IL16: variants seen among roughly 807,000 people sequenced by gnomAD.
IL16 encodes the protein interleukin 16, also known as pro-interleukin-16.
A neutral mutation model predicts 110.1 loss-of-function variants in IL16; 67 were observed. The observed-to-expected ratio is 0.61, with a 90% CI of 0.50 to 0.75. The LOEUF (loss-of-function observed/expected upper bound fraction) is 0.75, where lower values mean the gene tolerates loss of function less well. Ranked by LOEUF, IL16 falls within the 30% of genes least tolerant of loss-of-function variation. The probability of loss-of-function intolerance (pLI) is 0.00; values close to 1 mark genes in which losing one functional copy is unlikely to be tolerated. For synonymous variants in IL16, 689 were observed against 662.9 expected (o/e 1.04, Z -0.61); for missense variants, 1,545 against 1,655.0 (o/e 0.93, Z 1.15).
At chr15:81,197,458 G>A (rs1231057066) in intron 1 of IL16, among the ~76,000 whole-genome samples, 2 of 152,130 alleles carry the variant, frequency 1.3e-5, no homozygotes, top group African/African-American at 4.8e-5. Flanking sequence ...TGACTTTTCA[G>A]CCTCGTCTCA....
chr15:81,287,644 A>G (rs533108484), intron 10 of IL16, among the ~76,000 whole-genome samples: 81 of 152,312 alleles, frequency 5.3e-4, no homozygotes, highest in Non-Finnish European at 8.1e-4. Context: ...AAGTTTCCCA[A>G]TGGTGAAGCT....
At chr15:81,231,345 TC>T (rs1896971723) in intron 2 of IL16, among the ~76,000 whole-genome samples, 1 of 136,238 alleles carries the variant, frequency 7.3e-6, no homozygotes, top group African/African-American at 2.7e-5. Context: ...TCTCTCTCTC[TC>T]TCTCTCTCTC....
chr15:81,278,735 G>T, intron 6 of IL16, 82 bp from the exon 7 acceptor site: 1 of 917,914 alleles, frequency 1.1e-6, no homozygotes, highest in Non-Finnish European at 1.8e-6. Context: ...CCGGGCAGTT[G>T]GGGAGACTAG....
intron 1 of IL16, among the ~76,000 whole-genome samples, chr15:81,217,182 G>C (rs530529497): frequency 6.6e-6 from 1 of 152,118 alleles, no homozygotes; most frequent in South Asian, 2.1e-4. Context: ...TGAAGACAAA[G>C]CAAGGCAAAC....
At position 81,299,898 on chromosome 15, in the gene IL16, G is replaced by C; in HGVS notation, c.2572G>C (p.Gly858Arg). Residue 858 changes from glycine to arginine, a missense_variant, in exon 14 of 19, where the codon GGA (glycine) becomes CGA (arginine). Gly to Arg is a moderately radical substitution (Grantham distance 125). Transcript: ENST00000683961. ...TFGSSQLPDKGAQRLSLQPSS... is the reference protein window; with the variant it reads ...TFGSSQLPDKRAQRLSLQPSS... ...TGGCTCCTCTCAACTGCCTGACAAA[G>C]GAGCCCAGAGACTGAGCCTCCAGCC... 6.2e-7 allele frequency: 1 copy of C among 1,613,536 alleles called. No homozygotes were observed. Among genetic ancestry groups the C allele is most frequent in the Non-Finnish European group, 8.5e-7 (1 of 1,180,014 alleles).
intron 16 of IL16, 35 bp from the exon 17 acceptor site, chr15:81,305,873 T>C: frequency 6.2e-7 from 1 of 1,606,876 alleles, no homozygotes; most frequent in Non-Finnish European, 8.5e-7. Flanking sequence ...TGGACTTGTG[T>C]GATTTCTGGT....
intron 2 of IL16, among the ~76,000 whole-genome samples, chr15:81,246,015 T>TA (rs1400199735): frequency 2.6e-5 from 4 of 152,152 alleles, no homozygotes; most frequent in Non-Finnish European, 4.4e-5. Context: ...TCATTGTTGT[T>TA]ATATTCAGCA....
At chr15:81,182,730 C>T (rs1024973200) in exon 1 of IL16, 11 of 437,010 alleles carry the variant, frequency 2.5e-5, no homozygotes, top group Non-Finnish European at 4.3e-5. Flanking sequence ...CGAGGAGTTA[C>T]TTTGTAGTTT....
chr15:81,282,643 C>CGGCGTG lies in IL16; in HGVS notation c.1090_1095dup (p.Val364_Gly365dup), dbSNP rs772094003. On this transcript the variant is annotated inframe_insertion, in exon 9 of 19. Coordinates refer to ENST00000683961, the MANE Select transcript of IL16 (RefSeq NM_172217.5). ...CCCGCCCTGTTCTGCTTCCAGAGGC[C>CGGCGTG]GGCGTGGGCCTGGGCATCGGCCTGT... 7.4e-6 allele frequency: 12 copies of CGGCGTG among 1,611,894 alleles called. No individual in the cohort carries two copies. Among genetic ancestry groups the CGGCGTG allele is most frequent in the Non-Finnish European group, 9.3e-6 (11 of 1,179,422 alleles).
intron 1 of IL16, among the ~76,000 whole-genome samples, chr15:81,201,685 C>A (rs1895820130): frequency 6.6e-6 from 1 of 152,006 alleles, no homozygotes; most frequent in South Asian, 2.1e-4. Flanking sequence ...GTATTTTAAT[C>A]TTTAATATTA....
chr15:81,238,529 C>G (rs1897247267), intron 2 of IL16, among the ~76,000 whole-genome samples: 1 of 152,084 alleles, frequency 6.6e-6, no homozygotes. Flanking sequence ...AGAAGTCTTA[C>G]TTATATTTAG....
chr15:81,268,630 C>T (rs1269560997), intron 4 of IL16, among the ~76,000 whole-genome samples: 2 of 152,286 alleles, frequency 1.3e-5, no homozygotes, highest in African/African-American at 4.8e-5. Context: ...TCCACATTCA[C>T]AGCTGATGTG....
intron 6 of IL16, among the ~76,000 whole-genome samples, chr15:81,275,876 C>A (rs1898887366): frequency 6.6e-6 from 1 of 152,168 alleles, no homozygotes; most frequent in Non-Finnish European, 1.5e-5. Flanking sequence ...ACTTTTATTC[C>A]CCTTCCAAGA....
At chr15:81,269,031 C>T (rs934005187) in intron 4 of IL16, among the ~76,000 whole-genome samples, 20 of 152,384 alleles carry the variant, frequency 1.3e-4, no homozygotes, top group Non-Finnish European at 1.0e-4. Flanking sequence ...CTCTGGTTCT[C>T]ATTCATGAAT....
chr15:81,310,512 A>G lies in IL16; in HGVS notation c.*1714A>G, dbSNP rs1282163937. On this transcript the variant is annotated 3_prime_UTR_variant, in exon 19 of 19. Transcript: ENST00000683961. ...AGCAATTAGACAAGAACTTGGAGGC[A>G]CCATTTGTATCCACTTTTTAGACTT... is the stretch of plus-strand genomic sequence containing the variant. The G allele has an allele frequency of 6.6e-6, 1 of 152,188 alleles. No individual in the cohort carries two copies. Among genetic ancestry groups the G allele is most frequent in the African/African-American group, 2.4e-5 (1 of 41,444 alleles). The allele number at this position is 152,188 out of a possible 1,614,324, so 9.4% of individuals were successfully genotyped here.
intron 9 of IL16, 109 bp downstream of exon 9, chr15:81,282,865 GT>G (rs2142309341): frequency 1.1e-6 from 1 of 944,442 alleles, no homozygotes. Flanking sequence ...GAATGATCTT[GT>G]GGTGGAGATC....
At chr15:81,200,596 CTT>C in intron 1 of IL16, among the ~76,000 whole-genome samples, 1 of 152,268 alleles carries the variant, frequency 6.6e-6, no homozygotes, top group South Asian at 2.1e-4. Context: ...GTCTCAAACT[CTT>C]GAGCTCGAGT....
chr15:81,188,369 T>A (rs1354591338), intron 1 of IL16: 1 of 456,296 alleles, frequency 2.2e-6, no homozygotes, highest in Admixed American at 2.3e-5. Flanking sequence ...TGTGGAGCAC[T>A]GCGGGCGAGA....
chr15:81,297,080 T>A lies in IL16; in HGVS notation c.2053+2T>A, dbSNP rs574682663. ...CAGGGTGGAGAAGAGCCAGCCCAGG[T>A]AAGCTTTCATTGAGATCTTCCAAAA... On this transcript the variant is annotated splice_donor_variant, in intron 13 of 18. Coordinates refer to ENST00000683961, the MANE Select transcript of IL16 (RefSeq NM_172217.5). LOFTEE classifies it high-confidence loss of function. The A allele has an allele frequency of 6.2e-7, 1 of 1,606,268 alleles. No individual in the cohort carries two copies. The highest frequency in any genetic ancestry group is 1.3e-5 in the African/African-American group (1 of 74,476).
Sources: allele counts gnomAD v4.1 joint callset (sites outside exome capture counted in the v4.1 genomes callset), GRCh38; gene constraint gnomAD v4.1.1; transcripts MANE v1.5; gene names NCBI Gene and HGNC (gene_info 2026-07-23, HGNC 2026-07-21).